Variants in CALN1 observed in about 807,000 individuals in gnomAD.
The protein encoded by CALN1 is calneuron 1, also known as calcium-binding protein 8.
CALN1 carries 17 observed loss-of-function variants against 30.6 expected under a neutral mutation model. The ratio of observed to expected loss-of-function variants is 0.56; its 90% CI spans 0.38 to 0.83. CALN1 has a LOEUF of 0.83. Among genes scored for constraint, CALN1 ranks in the 40% least tolerant of loss-of-function variants. CALN1 has a pLI of 0.00. For synonymous variants in CALN1, 156 were observed against 131.4 expected (o/e 1.19, Z -1.28); for missense variants, 291 against 354.9 (o/e 0.82, Z 1.45).
chr7:72,367,762 G>A (rs539838771), intron 2 of CALN1, among the ~76,000 whole-genome samples: 1 of 152,178 alleles, frequency 6.6e-6, no homozygotes, highest in South Asian at 2.1e-4. Flanking sequence ...TTGAGCCCAC[G>A]AGTTCCAGGC....
chr7:72,502,650 G>A, the CALN1 span, among the ~76,000 whole-genome samples: 1 of 151,998 alleles, frequency 6.6e-6, no homozygotes, highest in Non-Finnish European at 1.5e-5. Flanking sequence ...TCCTAATATG[G>A]AAGATGAAGA....
At chr7:72,121,782 G>A (rs1033931283) in intron 3 of CALN1, among the ~76,000 whole-genome samples, 8 of 146,968 alleles carry the variant, frequency 5.4e-5, no homozygotes, top group Non-Finnish European at 1.2e-4. Context: ...TTATAAATAA[G>A]CATATTATAA....
chr7:72,393,105 G>C (rs914327367), intron 2 of CALN1, among the ~76,000 whole-genome samples: 1 of 152,096 alleles, frequency 6.6e-6, no homozygotes, highest in South Asian at 2.1e-4. Context: ...GACAATTACA[G>C]GGTCATAGCC....
At chr7:72,378,545 A>G (rs1804700022) in intron 2 of CALN1, among the ~76,000 whole-genome samples, 1 of 152,136 alleles carries the variant, frequency 6.6e-6, no homozygotes, top group South Asian at 2.1e-4. Flanking sequence ...CTAGTTAATC[A>G]CTTCAAGTAG....
chr7:72,130,419 A>C (rs143552985), intron 3 of CALN1, among the ~76,000 whole-genome samples: 501 of 152,288 alleles, frequency 3.3e-3, no homozygotes, highest in Non-Finnish European at 4.6e-3. Flanking sequence ...GAAAAAAAGA[A>C]GAAAGACTAG....
chr7:72,498,611 G>A, the CALN1 span, among the ~76,000 whole-genome samples: 1 of 152,172 alleles, frequency 6.6e-6, no homozygotes, highest in African/African-American at 2.4e-5. Context: ...AAGAAAACAA[G>A]ACATTTTTAG....
chr7:71,959,870 A>T lies in CALN1; in HGVS notation c.501+63787T>A, dbSNP rs562739428. ...ATATTTAGGCCGGGCACAGTGGCTC[A>T]GGCCTGTAATCCCAGCACTTTGGGA... On this transcript the variant is annotated intron_variant, in intron 5 of 6. Transcript: ENST00000395275. 2.6e-4 allele frequency among the ~76,000 whole-genome samples: 40 copies of T among 152,296 alleles called. No individual in the cohort carries two copies. The South Asian group carries it at 8.3e-3, about 32-fold the overall frequency.
At chr7:72,072,801 T>C (rs574558346) in intron 4 of CALN1, among the ~76,000 whole-genome samples, 5 of 152,350 alleles carry the variant, frequency 3.3e-5, no homozygotes, top group African/African-American at 9.6e-5. Flanking sequence ...ATTTTTTATA[T>C]GCTATTGGAG....
rs997284465 is a variant in CALN1 at position 72,129,021 on chromosome 7, A to G, written c.245-22727T>C. Among the ~76,000 whole-genome samples the G allele has an allele frequency of 3.9e-5, 6 of 152,334 alleles. No homozygotes were observed. The East Asian group carries it at 7.7e-4, about 20-fold the overall frequency. ...TAAAAAATTTATATATATAGCATCA[A>G]TAAGAACAAAGGCCAACAAGCCAAA... On this transcript the variant is annotated intron_variant, in intron 3 of 6. Transcript: ENST00000395275.
At chr7:72,481,825 G>A in the CALN1 span, among the ~76,000 whole-genome samples, 1 of 151,936 alleles carries the variant, frequency 6.6e-6, no homozygotes, top group Non-Finnish European at 1.5e-5. Context: ...CTTCATTTTG[G>A]TCATAGGACA....
chr7:71,866,774 T>C (rs1034817087), intron 5 of CALN1, among the ~76,000 whole-genome samples: 5 of 152,084 alleles, frequency 3.3e-5, no homozygotes, highest in African/African-American at 1.2e-4. Flanking sequence ...ACCAATATAG[T>C]AGAGTTATGA....
At chr7:71,816,640 G>T (rs1223533908) in intron 5 of CALN1, among the ~76,000 whole-genome samples, 1 of 152,110 alleles carries the variant, frequency 6.6e-6, no homozygotes, top group African/African-American at 2.4e-5. Flanking sequence ...GAGAAGGAAA[G>T]ATACAGACTC....
chr7:72,380,477 G>A (rs190726336), intron 2 of CALN1, among the ~76,000 whole-genome samples: 19 of 152,222 alleles, frequency 1.2e-4, no homozygotes, highest in Middle Eastern at 3.4e-3. Context: ...ATAAAAATTA[G>A]CTGAGCATGG....
chr7:72,479,204 G>T, the CALN1 span, among the ~76,000 whole-genome samples: 2 of 152,146 alleles, frequency 1.3e-5, no homozygotes, highest in Non-Finnish European at 2.9e-5. Flanking sequence ...TGGTTGAAGT[G>T]TGTGTACGTA....
intron 5 of CALN1, among the ~76,000 whole-genome samples, chr7:71,962,519 C>T (rs1402687841): frequency 6.6e-6 from 1 of 152,206 alleles, no homozygotes; most frequent in African/African-American, 2.4e-5. Context: ...GCATTTGCTA[C>T]CGTTTGAATG....
At chr7:72,196,834 C>T (rs1422971909) in intron 3 of CALN1, among the ~76,000 whole-genome samples, 1 of 152,174 alleles carries the variant, frequency 6.6e-6, no homozygotes, top group Non-Finnish European at 1.5e-5. Context: ...GGGTCATTTG[C>T]CCAGCAGCCC....
chr7:72,421,373 G>A (rs1244597306), intron 1 of CALN1, among the ~76,000 whole-genome samples: 1 of 152,018 alleles, frequency 6.6e-6, no homozygotes, highest in Admixed American at 6.6e-5. Context: ...AAAACCGAAA[G>A]AATAATTCTT....
chr7:71,999,628 G>A (rs73366294), intron 5 of CALN1, among the ~76,000 whole-genome samples: 2,098 of 151,746 alleles, frequency 0.014, 41 homozygotes, highest in African/African-American at 0.048. Flanking sequence ...TTACTCTCCT[G>A]CCTCAGCCTC....
chr7:72,304,160 A>AAGTT (rs912859072), intron 2 of CALN1, among the ~76,000 whole-genome samples: 2 of 152,266 alleles, frequency 1.3e-5, no homozygotes, highest in Admixed American at 6.5e-5. Context: ...GTATGGTTTC[A>AAGTT]AGTTAATAAA....
Sources: allele counts gnomAD v4.1 joint callset (sites outside exome capture counted in the v4.1 genomes callset), GRCh38; gene constraint gnomAD v4.1.1; transcripts MANE v1.5; gene names NCBI Gene and HGNC (gene_info 2026-07-23, HGNC 2026-07-21).